PDE1A: variants seen among roughly 807,000 people sequenced by gnomAD.
PDE1A encodes dual specificity calcium/calmodulin-dependent 3',5'-cyclic nucleotide phosphodiesterase 1A.
A neutral mutation model predicts 61.7 loss-of-function variants in PDE1A; 35 were observed. That is an observed-to-expected ratio of 0.57 (90% confidence interval 0.43 to 0.75). The LOEUF is 0.75. Ranked by LOEUF, PDE1A falls within the 30% of genes least tolerant of loss-of-function variation. The probability of loss-of-function intolerance (pLI) is 0.00; values close to 1 mark genes in which losing one functional copy is unlikely to be tolerated. For synonymous variants in PDE1A, 232 were observed against 213.2 expected (o/e 1.09, Z -0.77); for missense variants, 597 against 630.6 (o/e 0.95, Z 0.57).
chr2:182,428,954 C>G (rs1289626293), upstream of PDE1A, among the ~76,000 whole-genome samples: 1 of 152,040 alleles, frequency 6.6e-6, no homozygotes, highest in Non-Finnish European at 1.5e-5. Flanking sequence ...AAACGGCAAG[C>G]AAGTATGAAA....
At chr2:182,205,578 A>G (rs1271143028) in intron 8 of PDE1A, among the ~76,000 whole-genome samples, 1 of 152,226 alleles carries the variant, frequency 6.6e-6, no homozygotes, top group Non-Finnish European at 1.5e-5. Context: ...AAAATATATG[A>G]AAGAATGAAT....
intron 1 of PDE1A, among the ~76,000 whole-genome samples, chr2:182,326,454 T>A (rs1432021077): frequency 1.3e-5 from 2 of 152,130 alleles, no homozygotes; most frequent in Admixed American, 1.3e-4. Flanking sequence ...CTATGTAAAA[T>A]AAGTTAGATG....
At chr2:182,155,565 C>A (rs1691033213) in intron 13 of PDE1A, among the ~76,000 whole-genome samples, 1 of 151,878 alleles carries the variant, frequency 6.6e-6, no homozygotes, top group South Asian at 2.1e-4. Context: ...TGGCTGTGTC[C>A]CCACCTATAT....
chr2:182,541,510 C>T, the PDE1A span, among the ~76,000 whole-genome samples: 2 of 152,000 alleles, frequency 1.3e-5, no homozygotes, highest in Admixed American at 1.3e-4. Flanking sequence ...CATGAGGTTT[C>T]AGAGAGGAAA....
intron 2 of PDE1A, among the ~76,000 whole-genome samples, chr2:182,469,107 C>T (rs1300882376): frequency 1.3e-5 from 2 of 151,928 alleles, no homozygotes; most frequent in Non-Finnish European, 2.9e-5. Context: ...AAGTCACCAC[C>T]TTCATCAGCT....
At chr2:182,214,478 TAA>T (rs1341931741) in intron 7 of PDE1A, among the ~76,000 whole-genome samples, 2 of 151,920 alleles carry the variant, frequency 1.3e-5, no homozygotes, top group Non-Finnish European at 2.9e-5. Context: ...GCAAATTGGA[TAA>T]AGAGTCAAGA....
intron 1 of PDE1A, among the ~76,000 whole-genome samples, chr2:182,383,217 A>G (rs1394373074): frequency 1.3e-5 from 2 of 152,154 alleles, no homozygotes; most frequent in Non-Finnish European, 2.9e-5. Flanking sequence ...ATACTTCAAG[A>G]CATATTTAAA....
At chr2:182,635,051 C>T in the PDE1A span, among the ~76,000 whole-genome samples, 4 of 151,332 alleles carry the variant, frequency 2.6e-5, no homozygotes, top group Admixed American at 6.6e-5. Flanking sequence ...AATTGGATAC[C>T]GCTCATTATA....
chr2:182,246,401 CTTTCTT>C (rs1351330596), intron 2 of PDE1A, among the ~76,000 whole-genome samples: 15 of 61,486 alleles, frequency 2.4e-4, no homozygotes, highest in South Asian at 5.3e-4. Flanking sequence ...TTTCTTTTTT[CTTTCTT>C]TTTTTTTTTT....
At chr2:182,233,055 C>T (rs1277966081) in intron 4 of PDE1A, among the ~76,000 whole-genome samples, 1 of 152,084 alleles carries the variant, frequency 6.6e-6, no homozygotes, top group African/African-American at 2.4e-5. Flanking sequence ...TACTATACAA[C>T]ACTTTAGAAA....
chr2:182,455,807 A>G (rs569234929), intron 2 of PDE1A, among the ~76,000 whole-genome samples: 1 of 152,142 alleles, frequency 6.6e-6, no homozygotes, highest in East Asian at 1.9e-4. Flanking sequence ...CCTAATGCTA[A>G]ATGACGAGTT....
intron 2 of PDE1A, among the ~76,000 whole-genome samples, chr2:182,469,594 G>C (rs1243198543): frequency 6.6e-6 from 1 of 151,896 alleles, no homozygotes; most frequent in Non-Finnish European, 1.5e-5. Context: ...TGTTCACTAG[G>C]ATAGCACTTT....
rs559170204 is a variant in PDE1A, at chr2:182,148,375, A to G, written c.1517-1223T>C. ...GACTCCTAAGCATGGGAGAGAAGAA[A>G]GCTAAGAGGAGCAGCAGTGTTGTAG... On this transcript the variant is annotated intron_variant, in intron 13 of 13. Coordinates refer to the PDE1A transcript ENST00000409365. Among the ~76,000 whole-genome samples the G allele has an allele frequency of 6.4e-4, 97 of 152,270 alleles. 1 individual carries two copies. The highest frequency in any genetic ancestry group is 2.2e-3 in the African/African-American group (91 of 41,548).
chr2:182,211,825 G>A (rs912305610), intron 7 of PDE1A, among the ~76,000 whole-genome samples: 3 of 152,154 alleles, frequency 2.0e-5, no homozygotes, highest in Non-Finnish European at 4.4e-5. Context: ...ATATAGAAAA[G>A]CAATCGAGTT....
chr2:182,360,424 G>A (rs1007259076), intron 1 of PDE1A, among the ~76,000 whole-genome samples: 2 of 151,936 alleles, frequency 1.3e-5, no homozygotes, highest in South Asian at 4.2e-4. Flanking sequence ...CACTGTGAGC[G>A]GGGCAGGGAG....
chr2:182,288,393 TG>T (rs1303438560), intron 1 of PDE1A, among the ~76,000 whole-genome samples: 1 of 152,116 alleles, frequency 6.6e-6, no homozygotes, highest in Admixed American at 6.6e-5. Flanking sequence ...TACAAGAAAC[TG>T]CAGTCAACAG....
chr2:182,323,866 T>A (rs1458114102), intron 1 of PDE1A, among the ~76,000 whole-genome samples: 1 of 152,188 alleles, frequency 6.6e-6, no homozygotes, highest in African/African-American at 2.4e-5. Flanking sequence ...GACCAGCGTG[T>A]CAGTGTGTTG....
At chr2:182,617,651 CCT>C in the PDE1A span, among the ~76,000 whole-genome samples, 1 of 152,194 alleles carries the variant, frequency 6.6e-6, no homozygotes, top group Admixed American at 6.5e-5. Flanking sequence ...CAGATGGCCT[CCT>C]CTCTGAAGAA....
the PDE1A span, among the ~76,000 whole-genome samples, chr2:182,608,770 C>T: frequency 1.3e-5 from 2 of 152,268 alleles, no homozygotes; most frequent in Non-Finnish European, 2.9e-5. Flanking sequence ...CGCCCAAGGG[C>T]TGAGGAGTGC....
Sources: gnomAD v4.1 joint callset for allele counts (sites outside exome capture counted in the v4.1 genomes callset) on GRCh38, gnomAD v4.1.1 for gene constraint, MANE v1.5 for transcripts, NCBI Gene and HGNC (gene_info 2026-07-23, HGNC 2026-07-21) for gene names.